The following ST6GAL1 variants were observed in gnomAD, a reference collection of about 807,000 sequenced individuals.
ST6GAL1 encodes the protein ST6 beta-galactoside alpha-2,6-sialyltransferase 1, also known as beta-galactoside alpha-2,6-sialyltransferase 1.
In ST6GAL1, 20 loss-of-function variants were observed where a neutral mutation model predicts 38.0. The ratio of observed to expected loss-of-function variants is 0.53; its 90% CI spans 0.37 to 0.77. ST6GAL1 has a LOEUF of 0.77. Ranked by LOEUF, ST6GAL1 falls within the 30% of genes least tolerant of loss-of-function variation. ST6GAL1 has a pLI of 0.00. For missense variants in ST6GAL1, 432 were observed against 496.4 expected (o/e 0.87, Z 1.23); for synonymous variants, 196 against 188.2 (o/e 1.04, Z -0.34).
intron 5 of ST6GAL1, chr3:187,064,553 A>T: frequency 2.2e-6 from 1 of 456,720 alleles, no homozygotes; most frequent in Admixed American, 2.3e-5. Flanking sequence ...GGCTGCGAGG[A>T]AGGTGGCCCA....
intron 2 of ST6GAL1, among the ~76,000 whole-genome samples, chr3:186,992,718 C>T (rs551207141): frequency 9.2e-5 from 14 of 152,252 alleles, no homozygotes; most frequent in African/African-American, 3.1e-4. Flanking sequence ...ATCGCTTGAA[C>T]CTGGGAGGCA....
intron 2 of ST6GAL1, among the ~76,000 whole-genome samples, chr3:187,029,181 G>C (rs1471923252): frequency 2.0e-5 from 3 of 150,812 alleles, no homozygotes; most frequent in African/African-American, 7.3e-5. Flanking sequence ...GATGCTAAAA[G>C]ACTGATCAGG....
At chr3:186,943,128 G>A (rs1249330570) in intron 1 of ST6GAL1, among the ~76,000 whole-genome samples, 1 of 152,232 alleles carries the variant, frequency 6.6e-6, no homozygotes, top group Non-Finnish European at 1.5e-5. Flanking sequence ...TGATTTGGGT[G>A]TGCACAGATG....
At chr3:186,958,337 A>C (rs1377235441) in intron 1 of ST6GAL1, among the ~76,000 whole-genome samples, 1 of 152,232 alleles carries the variant, frequency 6.6e-6, no homozygotes. Context: ...TAATATAGCT[A>C]TTAGTGTTGA....
chr3:187,043,475 G>C (rs1380260566), intron 4 of ST6GAL1, among the ~76,000 whole-genome samples, 165 bp downstream of exon 4: 1 of 152,218 alleles, frequency 6.6e-6, no homozygotes, highest in Non-Finnish European at 1.5e-5. Context: ...GAGTTGAACA[G>C]ATGGCGCTCT....
At chr3:186,945,328 A>T (rs1007440327) in intron 1 of ST6GAL1, among the ~76,000 whole-genome samples, 4 of 150,482 alleles carry the variant, frequency 2.7e-5, no homozygotes, top group Admixed American at 1.3e-4. Flanking sequence ...AAAAAAAAAA[A>T]TTGTTTACAG....
chr3:187,050,560 G>GAGAGAGAGAGAC (rs371144529), intron 4 of ST6GAL1, among the ~76,000 whole-genome samples: 2,263 of 149,680 alleles, frequency 0.015, 52 homozygotes, highest in African/African-American at 0.038. Flanking sequence ...GAGAGAGAGA[G>GAGAGAGAGAGAC]GGAGGGAGGG....
intron 2 of ST6GAL1, among the ~76,000 whole-genome samples, chr3:186,982,971 C>T (rs149350465): frequency 1.8e-3 from 279 of 152,038 alleles, no homozygotes; most frequent in African/African-American, 6.3e-3. Context: ...CATGAGCCAC[C>T]GCGCCCAGCC....
chr3:187,008,012 C>T (rs757159778), intron 2 of ST6GAL1, among the ~76,000 whole-genome samples: 3 of 152,034 alleles, frequency 2.0e-5, no homozygotes, highest in African/African-American at 4.8e-5. Flanking sequence ...AAATGAAAAG[C>T]CTTTCATGGT....
intron 5 of ST6GAL1, among the ~76,000 whole-genome samples, chr3:187,061,308 A>C (rs6771150): frequency 0.1 from 15,184 of 152,206 alleles, 2,540 homozygotes; most frequent in African/African-American, 0.34. Flanking sequence ...CGAATATGAT[A>C]TGCAGATTTA....
intron 2 of ST6GAL1, among the ~76,000 whole-genome samples, chr3:187,014,850 G>A (rs1307422566): frequency 6.6e-6 from 1 of 152,140 alleles, no homozygotes; most frequent in African/African-American, 2.4e-5. Flanking sequence ...ATTGTGTACA[G>A]TAGCCTAAGA....
intron 5 of ST6GAL1, among the ~76,000 whole-genome samples, chr3:187,054,559 T>C (rs371275116): frequency 6.6e-6 from 1 of 152,210 alleles, no homozygotes; most frequent in African/African-American, 2.4e-5. Context: ...GAGATAATCA[T>C]GTGGTTTTTG....
At chr3:186,959,934 G>A (rs2108525303) in intron 1 of ST6GAL1, among the ~76,000 whole-genome samples, 1 of 152,376 alleles carries the variant, frequency 6.6e-6, no homozygotes, top group South Asian at 2.1e-4. Context: ...GAGTGGGGAT[G>A]GCTCCTTGAA....
intron 1 of ST6GAL1, among the ~76,000 whole-genome samples, chr3:186,951,034 C>A (rs1429614284): frequency 6.6e-6 from 1 of 152,214 alleles, no homozygotes; most frequent in African/African-American, 2.4e-5. Context: ...TGTAGAAAAG[C>A]ATAGTGTCAT....
chr3:186,932,867 A>G (rs1489157051), intron 1 of ST6GAL1, among the ~76,000 whole-genome samples: 2 of 152,184 alleles, frequency 1.3e-5, no homozygotes, highest in Non-Finnish European at 2.9e-5. Context: ...CCCAAAGTTA[A>G]CATGTTGTTT....
intron 1 of ST6GAL1, among the ~76,000 whole-genome samples, chr3:186,951,873 C>T (rs879062524): frequency 1.7e-4 from 26 of 152,140 alleles, no homozygotes; most frequent in African/African-American, 5.3e-4. Flanking sequence ...CCAGCAGATT[C>T]GGCGTCTGGT....
chr3:187,022,569 T>C (rs2108566221), intron 2 of ST6GAL1, among the ~76,000 whole-genome samples: 1 of 152,214 alleles, frequency 6.6e-6, no homozygotes, highest in African/African-American at 2.4e-5. Context: ...TAGATAGTGA[T>C]TGTCTCTTCT....
At chr3:186,992,902 T>C (rs2077108) in intron 2 of ST6GAL1, among the ~76,000 whole-genome samples, 31,537 of 152,034 alleles carry the variant, frequency 0.21, 3,665 homozygotes, top group Non-Finnish European at 0.26. Flanking sequence ...TCTATCTAGG[T>C]CAGATATTTT....
At chr3:186,975,831 C>T (rs750465990) in intron 2 of ST6GAL1, among the ~76,000 whole-genome samples, 1 of 152,186 alleles carries the variant, frequency 6.6e-6, no homozygotes, top group African/African-American at 2.4e-5. Flanking sequence ...GGGGGACTCA[C>T]GATTGGGACT....
Sources: gnomAD v4.1 joint callset for allele counts (sites outside exome capture counted in the v4.1 genomes callset) on GRCh38, gnomAD v4.1.1 for gene constraint, MANE v1.5 for transcripts, NCBI Gene and HGNC (gene_info 2026-07-23, HGNC 2026-07-21) for gene names.